Variants in LARGE1 observed in about 807,000 individuals in gnomAD.
The protein encoded by LARGE1 is LARGE xylosyl- and glucuronyltransferase 1.
LARGE1 carries 43 observed loss-of-function variants against 87.6 expected under a neutral mutation model. The ratio of observed to expected loss-of-function variants is 0.49; its 90% CI spans 0.38 to 0.63. LARGE1 has a LOEUF of 0.63. Among genes scored for constraint, LARGE1 ranks in the 30% least tolerant of loss-of-function variants. The pLI, the probability that LARGE1 is intolerant of heterozygous loss-of-function variation, is 0.00. For missense variants in LARGE1, 802 were observed against 1,000.2 expected (o/e 0.80, Z 2.67); for synonymous variants, 434 against 394.6 (o/e 1.10, Z -1.18).
intron 7 of LARGE1, among the ~76,000 whole-genome samples, chr22:33,425,583 CAGA>C (rs767040245): frequency 6.6e-6 from 1 of 152,202 alleles, no homozygotes; most frequent in Admixed American, 6.5e-5. Flanking sequence ...AGCACGATGT[CAGA>C]AGAACTGTTC....
chr22:33,499,765 T>C (rs1331331660), intron 6 of LARGE1, among the ~76,000 whole-genome samples: 3 of 152,288 alleles, frequency 2.0e-5, no homozygotes, highest in African/African-American at 7.2e-5. Flanking sequence ...TATGTAAAGA[T>C]AAAACATGTA....
At chr22:33,903,608 C>G (rs1456288353) in intron 1 of LARGE1, among the ~76,000 whole-genome samples, 1 of 152,084 alleles carries the variant, frequency 6.6e-6, no homozygotes, top group African/African-American at 2.4e-5. Context: ...AGGCGGATCA[C>G]GAGGTCAAGA....
chr22:33,385,704 C>T (rs959162858), intron 7 of LARGE1, among the ~76,000 whole-genome samples: 9 of 148,016 alleles, frequency 6.1e-5, no homozygotes, highest in African/African-American at 1.2e-4. Context: ...GCCCTGAGCA[C>T]GGAACACAAA....
intron 6 of LARGE1, among the ~76,000 whole-genome samples, chr22:33,435,956 C>T (rs1191206182): frequency 2.0e-5 from 3 of 152,182 alleles, no homozygotes; most frequent in Non-Finnish European, 4.4e-5. Flanking sequence ...CATTAGCTGC[C>T]ATATCAATGA....
the LARGE1 span, among the ~76,000 whole-genome samples, chr22:33,104,933 T>C: frequency 5.0e-5 from 6 of 119,472 alleles, no homozygotes; most frequent in South Asian, 2.8e-4. Flanking sequence ...CTTTCTTTCT[T>C]TCTTTCTTTC....
At chr22:33,482,787 A>G (rs2069386565) in intron 6 of LARGE1, among the ~76,000 whole-genome samples, 1 of 152,182 alleles carries the variant, frequency 6.6e-6, no homozygotes, top group Admixed American at 6.5e-5. Flanking sequence ...TATTGACTGT[A>G]GGCACCCTAT....
intron 6 of LARGE1, among the ~76,000 whole-genome samples, chr22:33,515,774 G>C (rs1257118878): frequency 6.6e-6 from 1 of 152,160 alleles, no homozygotes; most frequent in East Asian, 1.9e-4. Flanking sequence ...CCAGAATGAT[G>C]AACACTGGCA....
At chr22:33,540,857 G>A (rs1023943395) in intron 6 of LARGE1, among the ~76,000 whole-genome samples, 2 of 151,954 alleles carry the variant, frequency 1.3e-5, no homozygotes, top group Non-Finnish European at 2.9e-5. Context: ...ATGGCAGACG[G>A]GCACAGCGGC....
At chr22:33,183,712 T>C (rs1046085663) in intron 11 of LARGE1, among the ~76,000 whole-genome samples, 2 of 151,438 alleles carry the variant, frequency 1.3e-5, no homozygotes, top group African/African-American at 4.9e-5. Context: ...CTGGAGCCCA[T>C]TATGCTAAGT....
chr22:33,589,760 A>G (rs1309948332), intron 5 of LARGE1, among the ~76,000 whole-genome samples: 1 of 152,176 alleles, frequency 6.6e-6, no homozygotes, highest in Non-Finnish European at 1.5e-5. Context: ...TTTACTATGA[A>G]ATGTTCCTCT....
chr22:33,578,671 A>T (rs2078424039), intron 5 of LARGE1, among the ~76,000 whole-genome samples: 1 of 152,200 alleles, frequency 6.6e-6, no homozygotes, highest in African/African-American at 2.4e-5. Flanking sequence ...AGGAGCTGGG[A>T]TTAAAAATCA....
At chr22:33,108,455 G>C in the LARGE1 span, 1 of 152,176 alleles carries the variant, frequency 6.6e-6, no homozygotes, top group Non-Finnish European at 1.5e-5. Flanking sequence ...CCATGAGCAC[G>C]GTGGGAAGAG....
chr22:33,674,134 G>A (rs975473561), intron 2 of LARGE1, among the ~76,000 whole-genome samples: 11 of 151,628 alleles, frequency 7.3e-5, no homozygotes, highest in Middle Eastern at 3.4e-3. Context: ...TAGTAGAGAC[G>A]GGTTTCGCCA....
chr22:33,480,623 A>G (rs1378685069), intron 6 of LARGE1, among the ~76,000 whole-genome samples: 1 of 152,176 alleles, frequency 6.6e-6, no homozygotes, highest in African/African-American at 2.4e-5. Context: ...GTTTCCAATA[A>G]CTTTGGATGC....
intron 2 of LARGE1, among the ~76,000 whole-genome samples, chr22:33,695,667 A>G (rs1240158604): frequency 2.6e-5 from 4 of 152,202 alleles, no homozygotes; most frequent in Non-Finnish European, 5.9e-5. Flanking sequence ...TCAGCAGCAC[A>G]TTACTTCCTA....
At chr22:33,218,568 T>C (rs977102849) in intron 11 of LARGE1, among the ~76,000 whole-genome samples, 2 of 152,186 alleles carry the variant, frequency 1.3e-5, no homozygotes, top group African/African-American at 4.8e-5. Flanking sequence ...TACCTTGTTG[T>C]CTGTACATGC....
chr22:33,230,001 GTTCT>G (rs1925924195), intron 11 of LARGE1, among the ~76,000 whole-genome samples: 3 of 111,692 alleles, frequency 2.7e-5, no homozygotes, highest in African/African-American at 9.2e-5. Context: ...CATTTTCAAA[GTTCT>G]TTTTTTTTTT....
intron 6 of LARGE1, among the ~76,000 whole-genome samples, chr22:33,549,803 G>C (rs2077471040): frequency 6.6e-6 from 1 of 152,158 alleles, no homozygotes; most frequent in African/African-American, 2.4e-5. Context: ...TGTTCTCATT[G>C]TTTAGTTCCC....
intron 6 of LARGE1, among the ~76,000 whole-genome samples, chr22:33,502,154 C>A (rs981305996): frequency 1.3e-5 from 2 of 150,758 alleles, no homozygotes; most frequent in African/African-American, 4.9e-5. Flanking sequence ...CGAGATTGCA[C>A]CACTGCACTC....
Sources: gnomAD v4.1 joint callset for allele counts (sites outside exome capture counted in the v4.1 genomes callset) on GRCh38, gnomAD v4.1.1 for gene constraint, MANE v1.5 for transcripts, NCBI Gene and HGNC (gene_info 2026-07-23, HGNC 2026-07-21) for gene names.